MED12L: variants seen among roughly 807,000 people sequenced by gnomAD.
The protein encoded by MED12L is mediator complex subunit 12L, also known as mediator of RNA polymerase II transcription subunit 12-like protein.
In MED12L, 60 loss-of-function variants were observed where a neutral mutation model predicts 281.3. The ratio of observed to expected loss-of-function variants is 0.21; its 90% confidence interval spans 0.17 to 0.26. The LOEUF (loss-of-function observed/expected upper bound fraction) is 0.26. Ranked by LOEUF, MED12L falls within the 10% of genes least tolerant of loss-of-function variation. The pLI is 1.00. For missense variants in MED12L, 2,146 were observed against 2,680.9 expected, an observed-to-expected ratio of 0.80 and a Z score of 4.41; for synonymous variants, 974 against 987.2, an observed-to-expected ratio of 0.99 and a Z score of 0.25.
intron 43 of MED12L, chr3:151,425,652 C>T (rs1424038156): frequency 2.2e-6 from 1 of 456,354 alleles, no homozygotes; most frequent in African/African-American, 2.0e-5. Flanking sequence ...ATTAGTTATA[C>T]CTGACAGTAG....
At chr3:151,325,006 G>A (rs1749423443) in intron 16 of MED12L, among the ~76,000 whole-genome samples, 1 of 152,192 alleles carries the variant, frequency 6.6e-6, no homozygotes, top group African/African-American at 2.4e-5. Context: ...TTAATTTGCT[G>A]AAGGAATACA....
At chr3:151,343,743 T>C (rs1300078040) in intron 16 of MED12L, among the ~76,000 whole-genome samples, 2 of 125,868 alleles carry the variant, frequency 1.6e-5, no homozygotes, top group Non-Finnish European at 3.4e-5. Flanking sequence ...TTTTTACTTT[T>C]AAGTGGCTTA....
chr3:151,185,394 C>T lies in MED12L; in HGVS notation c.1559C>T (p.Ser520Phe). 1 of 1,613,950 alleles carries T rather than the reference C, an allele frequency of 6.2e-7. No homozygotes were observed. ...LCEWAVSCKR[S>F]GKHRAMAVAK... The stretch of plus-strand genomic sequence containing the variant: ...GAATGGGCCGTGAGCTGCAAACGGT[C>T]TGGCAAGCACAGGGCCATGGCTGTG... The change falls in exon 12 of 45, where the codon TCT (serine) becomes TTT (phenylalanine). Residue 520 changes from serine to phenylalanine, a missense_variant. Around this residue, in one of 9 missense-constraint regions of MED12L, gnomAD observed 722 missense variants for 861.2 expected, o/e 0.84. Coordinates refer to ENST00000687756, the MANE Select transcript of MED12L (RefSeq NM_001393769.1).
At position 151,399,834 on chromosome 3, in the gene MED12L, T is replaced by G. The variant is rs529642759; in HGVS notation, c.5820+4967T>G. On this transcript the variant is annotated intron_variant, in intron 39 of 44. Coordinates refer to ENST00000687756, the MANE Select transcript of MED12L (RefSeq NM_001393769.1). ...ATCTTAAGGAATTCCTTCTTTCTTT[T>G]TTTTTTTCTTGAGACAGGGTCTCCC... is the stretch of plus-strand genomic sequence containing the variant. Among the ~76,000 whole-genome samples, 6 of 142,660 alleles carry G rather than the reference T, an allele frequency of 4.2e-5. No homozygotes were observed. The South Asian group carries it at 1.5e-3, about 35-fold the overall frequency. The allele number at this position is 142,660 out of a possible 152,430, so 93.6% of individuals were successfully genotyped here.
chr3:151,351,526 CTCTG>C lies in MED12L; in HGVS notation c.2398+1324_2398+1327del, dbSNP rs370787576. 5.1e-4 allele frequency among the ~76,000 whole-genome samples: 78 copies of C among 152,280 alleles called. 1 individual carries two copies. The South Asian group carries it at 0.012, about 24-fold the overall frequency. On this transcript the variant is annotated intron_variant, in intron 17 of 44. Coordinates refer to ENST00000687756, the MANE Select transcript of MED12L (RefSeq NM_001393769.1). ...TTATTGAGTTTGAAAAAAGAAAGTG[CTCTG>C]TCTAAGAAAACTGTTTATCTGTTGT...
At chr3:151,270,242 T>TGTGTGTGTGTGTGTGTGTG (rs1553764758) in intron 16 of MED12L, 58 of 155,052 alleles carry the variant, frequency 3.7e-4, no homozygotes, top group African/African-American at 4.3e-4. Flanking sequence ...TGTGTGTGTG[T>TGTGTGTGTGTGTGTGTGTG]TTTCTTTTGG....
At chr3:151,249,486 G>A (rs529096040) in intron 16 of MED12L, among the ~76,000 whole-genome samples, 28 of 152,210 alleles carry the variant, frequency 1.8e-4, no homozygotes, top group Admixed American at 1.4e-3. Flanking sequence ...CTTGATTGGT[G>A]CAGGGCAAGA....
At chr3:151,193,372 G>T (rs1440344722) in intron 15 of MED12L, 118 bp from the exon 16 acceptor site, 1 of 681,470 alleles carries the variant, frequency 1.5e-6, no homozygotes, top group African/African-American at 1.8e-5. Flanking sequence ...TTTTTGCTAA[G>T]TGGTTAAGTA....
chr3:151,142,973 T>G (rs1226700069), intron 5 of MED12L, among the ~76,000 whole-genome samples: 2 of 152,188 alleles, frequency 1.3e-5, no homozygotes, highest in Admixed American at 6.5e-5. Flanking sequence ...GTATGCCGGG[T>G]AGAAAACAGT....
At position 151,222,132 on chromosome 3, in the gene MED12L, G is replaced by C. The variant is rs1184688661; in HGVS notation, c.2250+28466G>C. Among the ~76,000 whole-genome samples the C allele has an allele frequency of 3.3e-5, 5 of 152,344 alleles. No individual in the cohort carries two copies. In the East Asian group the frequency reaches 9.6e-4, roughly 29 times the overall value. On this transcript the variant is annotated intron_variant, in intron 16 of 44. Coordinates refer to ENST00000687756, the MANE Select transcript of MED12L (RefSeq NM_001393769.1). ...GCCTGTAGCCCCTTTGTTTCAGCCA[G>C]TTCCTCCCATTTGGAATGACTGCAT...
At chr3:151,329,080 A>G in intron 16 of MED12L, 1 of 1,111,660 alleles carries the variant, frequency 9.0e-7, no homozygotes, top group Non-Finnish European at 1.3e-6. Context: ...GCTATTTTTT[A>G]AAAACAGACT....
chr3:151,190,029 A>G (rs1723762365), intron 13 of MED12L, among the ~76,000 whole-genome samples: 1 of 152,220 alleles, frequency 6.6e-6, no homozygotes, highest in South Asian at 2.1e-4. Flanking sequence ...ACAATTGCAC[A>G]GACCCACTCA....
intron 16 of MED12L, among the ~76,000 whole-genome samples, chr3:151,239,097 G>C (rs1250269864): frequency 1.3e-5 from 2 of 152,060 alleles, no homozygotes; most frequent in African/African-American, 2.4e-5. Context: ...TGTGAGGAGG[G>C]GCAATATTAA....
chr3:151,313,735 T>G (rs540208644), intron 16 of MED12L, among the ~76,000 whole-genome samples: 42 of 152,050 alleles, frequency 2.8e-4, no homozygotes, highest in Middle Eastern at 3.4e-3. Flanking sequence ...TCCCAGCCAC[T>G]TAGGAGTCTG....
At chr3:151,226,016 C>G (rs1050690645) in intron 16 of MED12L, among the ~76,000 whole-genome samples, 2 of 152,168 alleles carry the variant, frequency 1.3e-5, no homozygotes, top group African/African-American at 4.8e-5. Flanking sequence ...ATAAAGCCGT[C>G]AGAACATGCT....
chr3:151,228,990 A>T (rs759822034), intron 16 of MED12L, among the ~76,000 whole-genome samples: 1 of 152,200 alleles, frequency 6.6e-6, no homozygotes, highest in Non-Finnish European at 1.5e-5. Flanking sequence ...GGGCTGTTAG[A>T]CCATTAGTGG....
At chr3:151,401,046 T>C (rs575467921) in intron 39 of MED12L, among the ~76,000 whole-genome samples, 2 of 152,190 alleles carry the variant, frequency 1.3e-5, no homozygotes, top group African/African-American at 4.8e-5. Context: ...ATCTATACGT[T>C]TGCATCCATC....
At chr3:151,369,572 C>A in intron 26 of MED12L, 23 bp downstream of exon 26, 2 of 1,474,230 alleles carry the variant, frequency 1.4e-6, no homozygotes, top group Non-Finnish European at 1.9e-6. Context: ...TGACCCTAAG[C>A]TTCTTGGTTA....
intron 16 of MED12L, among the ~76,000 whole-genome samples, chr3:151,275,593 G>C (rs1251414359): frequency 6.6e-6 from 1 of 151,994 alleles, no homozygotes; most frequent in Non-Finnish European, 1.5e-5. Flanking sequence ...TGGTAAACTT[G>C]GTGTTTCGGT....
Sources: gnomAD v4.1 joint callset for allele counts (sites outside exome capture counted in the v4.1 genomes callset) on GRCh38, gnomAD v4.1.1 for gene constraint, gnomAD v4.1.1 regional missense constraint, MANE v1.5 for transcripts, NCBI Gene and HGNC (gene_info 2026-07-23, HGNC 2026-07-21) for gene names.